Variants in CROCC observed in about 807,000 individuals in gnomAD.
CROCC encodes rootletin.
In CROCC, 180 loss-of-function variants were observed where a neutral mutation model predicts 245.2. The ratio of observed to expected loss-of-function variants is 0.73; its 90% confidence interval spans 0.65 to 0.83. The LOEUF (loss-of-function observed/expected upper bound fraction) is 0.83, where lower values mean the gene tolerates loss of function less well. CROCC is among the 40% of genes least tolerant of loss of function. CROCC has a pLI of 0.00. For missense variants in CROCC, 2,688 were observed against 2,779.4 expected (o/e 0.97, Z 0.74); for synonymous variants, 1,205 against 1,241.6 (o/e 0.97, Z 0.62).
intron 3 of CROCC, among the ~76,000 whole-genome samples, chr1:16,928,729 G>T (rs950035430): frequency 6.6e-6 from 1 of 151,876 alleles, no homozygotes; most frequent in African/African-American, 2.4e-5. Flanking sequence ...TTTGAACCCG[G>T]GAGGTGTAGG....
At chr1:16,946,504 C>A (rs1392418732) in intron 16 of CROCC, 99 bp downstream of exon 16, 21 of 1,475,356 alleles carry the variant, frequency 1.4e-5, no homozygotes, top group Non-Finnish European at 1.8e-5. Context: ...TGGCCCCTGC[C>A]TCCCTTTCTG....
chr1:16,920,319 C>A (rs1225141527), upstream of CROCC, among the ~76,000 whole-genome samples: 1 of 152,210 alleles, frequency 6.6e-6, no homozygotes, highest in South Asian at 2.1e-4. Context: ...CCTCCTGATC[C>A]GCCTGCCTCA....
At chr1:16,932,593 G>C (rs1217557057) in intron 8 of CROCC, among the ~76,000 whole-genome samples, 1 of 152,242 alleles carries the variant, frequency 6.6e-6, no homozygotes, top group Non-Finnish European at 1.5e-5. Context: ...AGAGCCTCAA[G>C]GGATGGGTAG....
chr1:16,968,103 C>G, intron 30 of CROCC, 100 bp from the exon 31 acceptor site: 1 of 1,247,668 alleles, frequency 8.0e-7, no homozygotes, highest in Non-Finnish European at 1.1e-6. Context: ...GGTCACCCTT[C>G]GAGGCTGCTC....
chr1:16,943,517 G>C (rs563113049), intron 13 of CROCC, among the ~76,000 whole-genome samples: 1 of 151,358 alleles, frequency 6.6e-6, no homozygotes, highest in Non-Finnish European at 1.5e-5. Context: ...CAGCCTGGGG[G>C]ACAGAGCGAG....
At position 16,972,873 on chromosome 1, in the gene CROCC, TCA is replaced by T. The variant is rs2076546576; in HGVS notation, c.*428_*429del. ...TTAAGAGCATGTGTCGGGAAATTCC[TCA>T]GAGTGCTCAGAGTCCCTGTATTTTT... On this transcript the variant is annotated 3_prime_UTR_variant, in exon 37 of 37. Transcript: ENST00000375541. The T allele has an allele frequency of 6.4e-6, 1 of 156,768 alleles. No homozygotes were observed. The highest frequency in any genetic ancestry group is 6.5e-5 in the Admixed American group (1 of 15,354). The allele number at this position is 156,768 out of a possible 1,614,324, so 9.7% of individuals were successfully genotyped here. A position where few individuals can be genotyped will look rare whatever the true frequency, so the allele number is the denominator to read the frequency against.
chr1:16,939,039 G>C lies in CROCC; in HGVS notation c.1505G>C (p.Gly502Ala), dbSNP rs773990250. 5 of 1,592,712 alleles carry C rather than the reference G, an allele frequency of 3.1e-6. No homozygotes were observed. Among genetic ancestry groups the C allele is most frequent in the Non-Finnish European group, 4.3e-6 (5 of 1,173,130 alleles). ...TPSPPRRSSP[G>A]RGRSPRRGPS... ...TCCCCACCGCGGCGCTCCTCGCCCG[G>C]CCGAGGCCGTTCACCCCGCCGAGGC... The change falls in exon 12 of 37, where the codon GGC becomes GCC. Residue 502 changes from glycine to alanine, a missense_variant. Around this residue, in one of 9 missense-constraint regions of CROCC, gnomAD observed 972 missense variants for 895.3 expected, o/e 1.09. Coordinates refer to ENST00000375541, the MANE Select transcript of CROCC (RefSeq NM_014675.5).
rs771957025 is a variant in CROCC, at chr1:16,944,187, C to T, written c.1896C>T (p.Ala632=). The T allele has an allele frequency of 6.2e-5, 96 of 1,555,378 alleles. No individual in the cohort carries two copies. Among genetic ancestry groups the T allele is most frequent in the South Asian group, 2.4e-4 (20 of 84,262 alleles). The part of the protein sequence containing the change: ...LRQEREKLQA[A]QEELRRQRDR... ...AGGAGCGGGAGAAGCTGCAGGCTGCCCAGGAGGAGCTGCGGCGCCAGCGGG... is the reference window on the plus strand; with the variant it reads ...AGGAGCGGGAGAAGCTGCAGGCTGCTCAGGAGGAGCTGCGGCGCCAGCGGG... The change falls in exon 14 of 37, where the codon GCC becomes GCT. Residue 632 remains alanine, a synonymous_variant. Transcript: ENST00000375541.
At position 16,936,693 on chromosome 1, in the gene CROCC, C is replaced by T. The variant is rs372500784; in HGVS notation, c.1013C>T (p.Ala338Val). The change falls in exon 9 of 37, where the codon GCG becomes GTG. Residue 338 changes from alanine (A) to valine (V), a missense_variant. Physicochemically the swap from Ala to Val is moderately conservative, Grantham distance 64 (BLOSUM62 0). Around this residue, in one of 9 missense-constraint regions of CROCC, gnomAD observed 972 missense variants for 895.3 expected, o/e 1.09. Transcript: ENST00000375541. ...LARTSRAVQE[A>V]GLGLSTGLRL... The stretch of plus-strand genomic sequence containing the variant: ...CGGACATCACGAGCTGTCCAGGAGG[C>T]GGGCCTGGGACTGAGCACGGGCCTA... The T allele has an allele frequency of 2.7e-5, 43 of 1,602,910 alleles. No individual in the cohort carries two copies. Among genetic ancestry groups the T allele is most frequent in the South Asian group, 1.2e-4 (11 of 89,430 alleles).
At chr1:16,946,717 A>AG in intron 16 of CROCC, 44 bp from the exon 17 acceptor site, 1 of 1,530,304 alleles carries the variant, frequency 6.5e-7, no homozygotes, top group Non-Finnish European at 8.8e-7. Flanking sequence ...TGGTCCTGGG[A>AG]GGGACGCCCT....
intron 32 of CROCC, 144 bp from the exon 33 acceptor site, chr1:16,969,641 C>T (rs147828131): frequency 1.8e-5 from 21 of 1,189,428 alleles, no homozygotes; most frequent in South Asian, 6.0e-5. Flanking sequence ...GTGGATAGGC[C>T]GTGGATGGGT....
chr1:16,930,728 C>A (rs1168363388), intron 7 of CROCC, 134 bp downstream of exon 7: 14 of 998,942 alleles, frequency 1.4e-5, no homozygotes, highest in Admixed American at 2.6e-5. Flanking sequence ...AAATAGCCGT[C>A]ATCACAATAG....
Position 16,968,360 on chromosome 1 carries a change from G to A in CROCC, c.5018G>A (p.Ser1673Asn). 2 of 1,539,706 alleles carry A rather than the reference G, an allele frequency of 1.3e-6. No homozygotes were observed. The highest frequency in any genetic ancestry group is 1.8e-6 in the Non-Finnish European group (2 of 1,141,884). The stretch of plus-strand genomic sequence containing the variant: ...CTGCAGCGCAGCCGCCTGGGCCTCA[G>A]TGACCGCGAGGCCCAAGCCCAGGCC... The part of the protein sequence containing the change: ...GELQRSRLGL[S>N]DREAQAQALQ... The change falls in exon 31 of 37, where the codon AGT becomes AAT. Residue 1673 changes from serine to asparagine, a missense_variant. Physicochemically the swap from Ser to Asn is conservative, Grantham distance 46. Transcript: ENST00000375541.
intron 19 of CROCC, 116 bp from the exon 20 acceptor site, chr1:16,950,837 C>G: frequency 1.2e-6 from 1 of 838,970 alleles, no homozygotes; most frequent in Non-Finnish European, 1.8e-6. Context: ...AAACTAGATG[C>G]CAGGCAGGCC....
Position 16,948,945 on chromosome 1 carries a change from T to G in CROCC, c.2836+19T>G, listed in dbSNP as rs370714139. 1.1e-4 allele frequency: 182 copies of G among 1,609,718 alleles called. No homozygotes were observed. The South Asian group carries it at 1.9e-3, about 17-fold the overall frequency. ...CTGACTGGTACGAGGGGCTGGGGAC[T>G]TGGGGGGAACACCAGGTTCCAGCCC... On this transcript the variant is annotated intron_variant, in intron 19 of 36. Transcript: ENST00000375541.
chr1:16,960,974 GC>G lies in CROCC; in HGVS notation c.4251del (p.Glu1418SerfsTer63). Reference protein sequence around the residue: ...AAEGRAQGLEAELARVEVQRR... With the variant: ...AAEGRAQGLEXELARVEVQRR... ...CGAGGGCCGGGCACAAGGCCTGGAG[GC>G]CGAGCTGGCCCGCGTGGAGGTGCAG... is the stretch of plus-strand genomic sequence containing the variant. On this transcript the variant is annotated frameshift_variant, in exon 27 of 37. Coordinates refer to ENST00000375541, the MANE Select transcript of CROCC (RefSeq NM_014675.5). LOFTEE classifies it high-confidence loss of function. The G allele has an allele frequency of 7.4e-7, 1 of 1,350,032 alleles. No individual in the cohort carries two copies. Among genetic ancestry groups the G allele is most frequent in the Non-Finnish European group, 9.4e-7 (1 of 1,058,894 alleles). The allele number at this position is 1,350,032 out of a possible 1,614,324, so 83.6% of individuals were successfully genotyped here. A position where few individuals can be genotyped will look rare whatever the true frequency, so the allele number is the denominator to read the frequency against.
At chr1:16,933,285 G>T (rs1282219634) in intron 8 of CROCC, among the ~76,000 whole-genome samples, 2 of 152,244 alleles carry the variant, frequency 1.3e-5, no homozygotes, top group African/African-American at 4.8e-5. Context: ...GGCCAACATG[G>T]TGAGACCCCT....
chr1:16,937,079 G>C (rs566700770), intron 9 of CROCC, among the ~76,000 whole-genome samples: 1 of 152,288 alleles, frequency 6.6e-6, no homozygotes, highest in Admixed American at 6.5e-5. Flanking sequence ...TTGTGGCCGG[G>C]TGTGGTGGCT....
rs111242926 is a variant in CROCC at position 16,922,604 on chromosome 1, A to C, written c.61-59A>C. 1,166 of 1,536,194 alleles carry C rather than the reference A, an allele frequency of 7.6e-4. No individual in the cohort carries two copies. The African/African-American group carries it at 0.011, about 14-fold the overall frequency. On this transcript the variant is annotated intron_variant, in intron 1 of 36. Transcript: ENST00000375541. Reference sequence around the variant, plus strand: ...GCAGTAGGATTCTGTGGCTCTCCCCACGAGGCCAGGGAGCCCCGGGTCCCA... The same window carrying C: ...GCAGTAGGATTCTGTGGCTCTCCCCCCGAGGCCAGGGAGCCCCGGGTCCCA...
Sources: gnomAD v4.1 joint callset for allele counts (sites outside exome capture counted in the v4.1 genomes callset) on GRCh38, gnomAD v4.1.1 for gene constraint, gnomAD v4.1.1 regional missense constraint, MANE v1.5 for transcripts, NCBI Gene and HGNC (gene_info 2026-07-23, HGNC 2026-07-21) for gene names.